The following HOPX variants were observed in gnomAD, a reference collection of about 807,000 sequenced individuals.
HOPX encodes HOP homeobox, also known as homeodomain-only protein.
Under a neutral mutation model 11.8 loss-of-function variants are expected in HOPX, and 5 were observed. The observed-to-expected ratio is 0.43, with a 90% CI of 0.22 to 0.89. The LOEUF is 0.89. Among genes scored for constraint, HOPX ranks in the 40% least tolerant of loss-of-function variants. HOPX has a pLI of 0.28. For missense variants in HOPX, 119 were observed against 120.0 expected (o/e 0.99, Z 0.04); for synonymous variants, 49 against 49.7 (o/e 0.99, Z 0.06).
chr4:56,665,295 T>C (rs1194277094), intron 1 of HOPX: 1 of 152,208 alleles, frequency 6.6e-6, no homozygotes, highest in Non-Finnish European at 1.5e-5. Context: ...AAGCCTGTCT[T>C]CTCCAGTAAA....
At chr4:56,654,870 T>A (rs1168097343) in intron 3 of HOPX, among the ~76,000 whole-genome samples, 1 of 152,018 alleles carries the variant, frequency 6.6e-6, no homozygotes, top group Non-Finnish European at 1.5e-5. Context: ...AGGTTAGAAG[T>A]GTGAAGTGCT....
intron 1 of HOPX, among the ~76,000 whole-genome samples, chr4:56,668,071 C>T (rs2109529785): frequency 6.6e-6 from 1 of 152,166 alleles, no homozygotes; most frequent in Non-Finnish European, 1.5e-5. Flanking sequence ...ACTGCAGGCG[C>T]CCACCACCAT....
chr4:56,680,957 T>C, intron 1 of HOPX: 1 of 899,858 alleles, frequency 1.1e-6, no homozygotes, highest in Non-Finnish European at 1.3e-6. Context: ...AAAGTTATCT[T>C]TCCAAAATAG....
rs78948119 is a variant in HOPX at position 56,669,984 on chromosome 4, G to A, written c.-84+11271C>T. Among the ~76,000 whole-genome samples the A allele has an allele frequency of 8.5e-3, 1,286 of 151,934 alleles. 26 individuals are homozygous for A. Among genetic ancestry groups the A allele is most frequent in the African/African-American group, 0.029 (1,220 of 41,450 alleles). ...TGCAGCTCTGTGGTTAAAGGCAAGAGGAAAATAGCTTCAAATTTCCTGATC... is the reference window on the plus strand; with the variant it reads ...TGCAGCTCTGTGGTTAAAGGCAAGAAGAAAATAGCTTCAAATTTCCTGATC... On this transcript the variant is annotated intron_variant, in intron 1 of 3. Transcript: ENST00000420433.
intron 3 of HOPX, chr4:56,650,866 CT>C: frequency 6.7e-7 from 1 of 1,488,916 alleles, no homozygotes; most frequent in Non-Finnish European, 9.0e-7. Context: ...CGAAATTCTA[CT>C]GCTAAGGGTG....
intron 1 of HOPX, among the ~76,000 whole-genome samples, chr4:56,666,662 G>A (rs950918506): frequency 2.6e-5 from 4 of 152,192 alleles, no homozygotes; most frequent in African/African-American, 9.7e-5. Context: ...TATGAAATAA[G>A]TGGAGTATTT....
chr4:56,656,182 G>A, intron 2 of HOPX, 170 bp from the exon 3 acceptor site: 1 of 1,109,932 alleles, frequency 9.0e-7, no homozygotes, highest in South Asian at 2.8e-5. Context: ...GGGGCTTACG[G>A]CTGCCCCCCA....
At chr4:56,674,916 TAAAAAAA>T (rs33940899) in intron 1 of HOPX, among the ~76,000 whole-genome samples, 1 of 121,740 alleles carries the variant, frequency 8.2e-6, no homozygotes, top group South Asian at 2.7e-4. Flanking sequence ...TCTGGCTAAC[TAAAAAAA>T]AAAAAAAAAA....
intron 3 of HOPX, among the ~76,000 whole-genome samples, chr4:56,653,038 TTTAC>T (rs1181095147): frequency 6.6e-6 from 1 of 152,104 alleles, no homozygotes; most frequent in Non-Finnish European, 1.5e-5. Flanking sequence ...TTTATTTTTA[TTTAC>T]TTACTTATTT....
intron 1 of HOPX, chr4:56,665,176 C>T (rs1718363330): frequency 6.6e-6 from 1 of 152,268 alleles, no homozygotes; most frequent in African/African-American, 2.4e-5. Flanking sequence ...AGGCTGGTCT[C>T]AAACTCCTGA....
At position 56,648,544 on chromosome 4, in the gene HOPX, ATTTTC is replaced by A; in HGVS notation, c.*171_*175del. The A allele has an allele frequency of 6.6e-6, 3 of 454,922 alleles. No homozygotes were observed. The highest frequency in any genetic ancestry group is 1.2e-5 in the Non-Finnish European group (3 of 250,896). The allele number at this position is 454,922 out of a possible 1,614,324, so 28.2% of individuals were successfully genotyped here. On this transcript the variant is annotated 3_prime_UTR_variant, in exon 4 of 4. Coordinates refer to ENST00000420433, the MANE Select transcript of HOPX (RefSeq NM_032495.6). ...AAGATACACATAGCTTCCTATTGTT[ATTTTC>A]TTTTCTAATTATGTACATTTAGAAA...
upstream of HOPX, chr4:56,681,420 A>C (rs534172929): frequency 1.5e-4 from 147 of 986,182 alleles, 1 homozygote; most frequent in African/African-American, 2.4e-3. Context: ...CAGCGTGGGC[A>C]GGAGGTAAAC....
intron 2 of HOPX, chr4:56,656,575 C>T (rs569836358): frequency 1.0e-5 from 7 of 668,252 alleles, no homozygotes; most frequent in Admixed American, 1.3e-4. Context: ...CACACCCCAC[C>T]CTTCCTCCAA....
chr4:56,650,247 A>G (rs1377890569), intron 3 of HOPX: 2 of 158,516 alleles, frequency 1.3e-5, no homozygotes, highest in African/African-American at 4.8e-5. Context: ...TGGTATTTCT[A>G]TAATTCACCT....
At chr4:56,681,070 C>CTGA (rs1204681487) in intron 1 of HOPX, 185 bp downstream of exon 1, 1 of 985,058 alleles carries the variant, frequency 1.0e-6, no homozygotes, top group Admixed American at 6.2e-5. Flanking sequence ...TTGTAAGGGA[C>CTGA]TGATGTCTTA....
intron 3 of HOPX, chr4:56,650,750 G>GCCTTCTCTTTGGGGGCTAC (rs1483803754): frequency 6.4e-7 from 1 of 1,551,298 alleles, no homozygotes; most frequent in Non-Finnish European, 8.7e-7. Flanking sequence ...CATGGGGGTA[G>GCCTTCTCTTTGGGGGCTAC]CCTTCTCTTT....
chr4:56,668,811 T>A (rs151240665), intron 1 of HOPX, among the ~76,000 whole-genome samples: 11 of 152,344 alleles, frequency 7.2e-5, no homozygotes, highest in African/African-American at 2.6e-4. Flanking sequence ...AGTCATAGGA[T>A]GGGCACTGGG....
chr4:56,672,382 T>C (rs1475960850), intron 1 of HOPX, among the ~76,000 whole-genome samples: 1 of 151,348 alleles, frequency 6.6e-6, no homozygotes, highest in Non-Finnish European at 1.5e-5. Context: ...CTACTAAAAA[T>C]ACAAAAATTA....
intron 3 of HOPX, among the ~76,000 whole-genome samples, chr4:56,652,023 G>T (rs1444065997): frequency 6.6e-6 from 1 of 152,080 alleles, no homozygotes; most frequent in Non-Finnish European, 1.5e-5. Flanking sequence ...ATAGGGCTGG[G>T]ATTCTGTAAG....
Sources: gnomAD v4.1 joint callset for allele counts (sites outside exome capture counted in the v4.1 genomes callset) on GRCh38, gnomAD v4.1.1 for gene constraint, MANE v1.5 for transcripts, NCBI Gene and HGNC (gene_info 2026-07-23, HGNC 2026-07-21) for gene names.